The following FGGY variants were observed in gnomAD, a reference collection of about 807,000 sequenced individuals.
FGGY encodes the protein FGGY carbohydrate kinase domain containing, also known as FGGY carbohydrate kinase domain-containing protein.
A neutral mutation model predicts 71.3 loss-of-function variants in FGGY; 72 were observed. The observed-to-expected ratio is 1.01, with a 90% CI of 0.84 to 1.23. The LOEUF (loss-of-function observed/expected upper bound fraction) is 1.23, where lower values mean the gene tolerates loss of function less well. Ranked by LOEUF, FGGY falls within the 50% of genes most tolerant of loss-of-function variation. The probability of loss-of-function intolerance (pLI) is 0.00; values close to 1 mark genes in which losing one functional copy is unlikely to be tolerated. For synonymous variants in FGGY, 251 were observed against 250.3 expected, an observed-to-expected ratio of 1.00 and a Z score of -0.02; for missense variants, 668 against 682.3, an observed-to-expected ratio of 0.98 and a Z score of 0.23.
At chr1:59,354,476 CT>C (rs377647215) in intron 4 of FGGY, among the ~76,000 whole-genome samples, 96 of 152,342 alleles carry the variant, frequency 6.3e-4, no homozygotes, top group African/African-American at 2.3e-3. Context: ...GGGATTTGAA[CT>C]TTGGCATTTC....
intron 14 of FGGY, among the ~76,000 whole-genome samples, chr1:59,734,781 A>T (rs116707728): frequency 0.014 from 2,088 of 152,220 alleles, 54 homozygotes; most frequent in African/African-American, 0.047. Context: ...AGAGAGAGGA[A>T]GGCCTCGGGA....
chr1:59,463,432 G>A (rs927237552), intron 6 of FGGY, among the ~76,000 whole-genome samples: 1 of 152,136 alleles, frequency 6.6e-6, no homozygotes, highest in Non-Finnish European at 1.5e-5. Context: ...GACCATCGAT[G>A]CTAGGAAGCA....
At chr1:59,680,185 A>G (rs1399134143) in intron 14 of FGGY, among the ~76,000 whole-genome samples, 3 of 151,808 alleles carry the variant, frequency 2.0e-5, no homozygotes, top group African/African-American at 7.3e-5. Context: ...TCCTGATATT[A>G]TCAGCTTTTT....
At chr1:59,400,495 C>T (rs1287443876) in intron 5 of FGGY, among the ~76,000 whole-genome samples, 2 of 151,406 alleles carry the variant, frequency 1.3e-5, no homozygotes, top group East Asian at 3.9e-4. Context: ...TTAAAGTAAG[C>T]ACAAAGTACG....
At chr1:59,536,742 G>T (rs1206301619) in intron 7 of FGGY, among the ~76,000 whole-genome samples, 4 of 152,262 alleles carry the variant, frequency 2.6e-5, no homozygotes, top group African/African-American at 9.6e-5. Flanking sequence ...CAGAACCAAA[G>T]ACAAAAACCA....
chr1:59,363,330 A>G (rs1053458279), intron 4 of FGGY, among the ~76,000 whole-genome samples: 10 of 152,232 alleles, frequency 6.6e-5, no homozygotes, highest in Admixed American at 5.9e-4. Context: ...AGAGGGAAGG[A>G]TGTAGTGAAA....
intron 6 of FGGY, among the ~76,000 whole-genome samples, chr1:59,483,750 C>A (rs185649925): frequency 3.3e-5 from 5 of 152,050 alleles, no homozygotes; most frequent in African/African-American, 1.2e-4. Flanking sequence ...AAATCAACAG[C>A]AAAAGCAGAA....
chr1:59,563,478 T>C (rs2153722492), intron 8 of FGGY, among the ~76,000 whole-genome samples: 1 of 152,172 alleles, frequency 6.6e-6, no homozygotes, highest in Non-Finnish European at 1.5e-5. Context: ...GTATACAACT[T>C]ACAGGGGATA....
chr1:59,660,146 T>A, intron 11 of FGGY, 73 bp from the exon 12 acceptor site: 1 of 1,349,824 alleles, frequency 7.4e-7, no homozygotes, highest in South Asian at 1.2e-5. Flanking sequence ...CTGAACGTAT[T>A]TCATGGGAAC....
At chr1:59,379,280 A>G (rs1286009397) in intron 5 of FGGY, among the ~76,000 whole-genome samples, 3 of 152,044 alleles carry the variant, frequency 2.0e-5, no homozygotes, top group African/African-American at 2.4e-5. Flanking sequence ...CATAGAGTAT[A>G]CTTTCACAAA....
At chr1:59,305,174 G>A (rs1274794696) in intron 1 of FGGY, among the ~76,000 whole-genome samples, 5 of 152,224 alleles carry the variant, frequency 3.3e-5, no homozygotes, top group Non-Finnish European at 5.9e-5. Context: ...TTGATGTTGA[G>A]TATCATATTG....
In FGGY at chr1:59,512,326, C is replaced by T. The variant is rs372839586; in HGVS notation, c.686C>T (p.Pro229Leu). 1.9e-6 allele frequency: 3 copies of T among 1,611,022 alleles called. No homozygotes were observed. The African/African-American group carries it at 4.0e-5, about 22-fold the overall frequency. Residue 229 changes from proline (P) to leucine (L), a missense_variant, in exon 7 of 16, where the codon CCT becomes CTT. Physicochemically the swap from Pro to Leu is moderately conservative, Grantham distance 98 (BLOSUM62 -3). Transcript: ENST00000303721. ...GTCTACCCAGGAAACCAAGTGCTAC[C>T]TCCTGGAGCTTCTCTTGGAAATGGG... ...NYSKIGNQVL[P>L]PGASLGNGLT...
At position 59,404,830 on chromosome 1, in the gene FGGY, A is replaced by G. The variant is rs569286485; in HGVS notation, c.554+25993A>G. On this transcript the variant is annotated intron_variant, in intron 5 of 15. Coordinates refer to ENST00000303721, the MANE Select transcript of FGGY (RefSeq NM_018291.5). ...TAGATAGATGCTGCTGCACCACACCAATGTCCGTGTGTCTGGGTACCGAGG... is the reference window on the plus strand; with the variant it reads ...TAGATAGATGCTGCTGCACCACACCGATGTCCGTGTGTCTGGGTACCGAGG... Among the ~76,000 whole-genome samples, 13 of 152,254 alleles carry G rather than the reference A, an allele frequency of 8.5e-5. No homozygotes were observed. In the South Asian group the frequency reaches 2.7e-3, roughly 32 times the overall value.
At chr1:59,680,021 A>C (rs988110356) in intron 14 of FGGY, among the ~76,000 whole-genome samples, 19 of 152,198 alleles carry the variant, frequency 1.2e-4, no homozygotes, top group African/African-American at 4.6e-4. Flanking sequence ...TCTGATACAT[A>C]GTAATAATTT....
At chr1:59,476,186 T>C (rs1334056875) in intron 6 of FGGY, among the ~76,000 whole-genome samples, 1 of 152,242 alleles carries the variant, frequency 6.6e-6, no homozygotes, top group Non-Finnish European at 1.5e-5. Context: ...GAGAAGAGCT[T>C]TCCCTTACCA....
At chr1:59,330,451 C>G (rs752146708) in intron 2 of FGGY, among the ~76,000 whole-genome samples, 17 of 151,934 alleles carry the variant, frequency 1.1e-4, no homozygotes, top group Non-Finnish European at 2.4e-4. Context: ...CGCCTGTAAT[C>G]CCAACTACTG....
chr1:59,554,316 A>T, intron 8 of FGGY, 89 bp downstream of exon 8: 1 of 958,474 alleles, frequency 1.0e-6, no homozygotes, highest in Non-Finnish European at 1.6e-6. Flanking sequence ...TCACCCTTTC[A>T]CTTCTTTCCT....
At chr1:59,510,117 T>C (rs2094485174) in intron 6 of FGGY, among the ~76,000 whole-genome samples, 1 of 151,974 alleles carries the variant, frequency 6.6e-6, no homozygotes, top group Non-Finnish European at 1.5e-5. Context: ...TCAGAACCCA[T>C]TTTTAAACAA....
intron 5 of FGGY, among the ~76,000 whole-genome samples, chr1:59,403,926 G>A (rs1461757482): frequency 2.0e-5 from 3 of 152,168 alleles, no homozygotes; most frequent in Admixed American, 1.3e-4. Flanking sequence ...GGGTGGTTGT[G>A]AGAACCTGAA....
Sources: allele counts gnomAD v4.1 joint callset (sites outside exome capture counted in the v4.1 genomes callset), GRCh38; gene constraint gnomAD v4.1.1; transcripts MANE v1.5; gene names NCBI Gene and HGNC (gene_info 2026-07-23, HGNC 2026-07-21).